SAMD3: variants seen among roughly 807,000 people sequenced by gnomAD.
SAMD3 encodes the protein sterile alpha motif domain containing 3.
In SAMD3, 63 loss-of-function variants were observed where a neutral mutation model predicts 58.5. The observed-to-expected ratio is 1.08, with a 90% CI of 0.88 to 1.33. The LOEUF (loss-of-function observed/expected upper bound fraction) is 1.33, where lower values mean the gene tolerates loss of function less well. SAMD3 is among the 40% of genes most tolerant of loss of function. SAMD3 has a pLI of 0.00. For missense variants in SAMD3, 604 were observed against 608.4 expected, an observed-to-expected ratio of 0.99 and a Z score of 0.08; for synonymous variants, 220 against 210.3, an observed-to-expected ratio of 1.05 and a Z score of -0.40.
At chr6:130,230,229 T>A (rs770977191) in intron 2 of SAMD3, among the ~76,000 whole-genome samples, 3 of 152,086 alleles carry the variant, frequency 2.0e-5, no homozygotes, top group Non-Finnish European at 4.4e-5. Flanking sequence ...AGGGTTTGCA[T>A]CACAATCCAA....
At chr6:130,337,119 T>C (rs1177926723) in intron 1 of SAMD3, among the ~76,000 whole-genome samples, 1 of 152,154 alleles carries the variant, frequency 6.6e-6, no homozygotes, top group Non-Finnish European at 1.5e-5. Context: ...TCATCTCAAA[T>C]TATAATCCCC....
At chr6:130,304,966 A>C in intron 2 of SAMD3, among the ~76,000 whole-genome samples, 1 of 114,012 alleles carries the variant, frequency 8.8e-6, no homozygotes. Flanking sequence ...ACAGAGTCTC[A>C]CTCTGCTGCC....
intron 1 of SAMD3, among the ~76,000 whole-genome samples, chr6:130,328,150 C>T (rs994600925): frequency 3.9e-5 from 6 of 152,114 alleles, no homozygotes; most frequent in African/African-American, 1.4e-4. Context: ...TGGAAGTGGA[C>T]CCATGGGATA....
At chr6:130,231,534 A>G (rs1167730625) in intron 2 of SAMD3, among the ~76,000 whole-genome samples, 1 of 152,222 alleles carries the variant, frequency 6.6e-6, no homozygotes, top group Non-Finnish European at 1.5e-5. Flanking sequence ...ATTGCACTCC[A>G]GTCTGGGCGA....
intron 5 of SAMD3, among the ~76,000 whole-genome samples, chr6:130,208,899 C>T (rs75997103): frequency 0.023 from 3,524 of 152,212 alleles, 130 homozygotes; most frequent in African/African-American, 0.079. Flanking sequence ...TAGGGGATGC[C>T]GTGACCTCCG....
At chr6:130,294,380 T>C (rs201087294) in intron 2 of SAMD3, among the ~76,000 whole-genome samples, 5 of 152,270 alleles carry the variant, frequency 3.3e-5, no homozygotes, top group African/African-American at 1.2e-4. Context: ...TAAGAAAATA[T>C]TTGCTTGAAC....
At chr6:130,325,107 T>G (rs189879256) in intron 1 of SAMD3, among the ~76,000 whole-genome samples, 202 of 152,322 alleles carry the variant, frequency 1.3e-3, no homozygotes, top group African/African-American at 4.7e-3. Flanking sequence ...GTTTTTCCTT[T>G]AGCAGAAATC....
At chr6:130,162,250 A>G (rs1790343559) in intron 8 of SAMD3, 1 of 701,966 alleles carries the variant, frequency 1.4e-6, no homozygotes. Context: ...GCATAGTTCT[A>G]GCCAACTTTT....
At chr6:130,345,660 T>G (rs1220958042) in intron 1 of SAMD3, among the ~76,000 whole-genome samples, 1 of 151,492 alleles carries the variant, frequency 6.6e-6, no homozygotes, top group Non-Finnish European at 1.5e-5. Context: ...GGCAGGCCCT[T>G]GGCACCTGTT....
chr6:130,207,149 C>T (rs1461428212), intron 5 of SAMD3, among the ~76,000 whole-genome samples: 3 of 123,668 alleles, frequency 2.4e-5, no homozygotes, highest in African/African-American at 9.8e-5. Flanking sequence ...GGTGATAGAC[C>T]CCATCTCATC....
At chr6:130,213,359 C>T (rs1286849431) in intron 4 of SAMD3, among the ~76,000 whole-genome samples, 1 of 151,708 alleles carries the variant, frequency 6.6e-6, no homozygotes, top group Non-Finnish European at 1.5e-5. Context: ...TCCATTCCAG[C>T]TCTATACCAT....
At chr6:130,197,502 A>G (rs1794248498) in intron 5 of SAMD3, among the ~76,000 whole-genome samples, 1 of 152,060 alleles carries the variant, frequency 6.6e-6, no homozygotes, top group African/African-American at 2.4e-5. Flanking sequence ...CAATTCTTAG[A>G]CCTTTTATAC....
At chr6:130,291,087 C>CTTTATTTA (rs34420626) in intron 2 of SAMD3, among the ~76,000 whole-genome samples, 15 of 151,430 alleles carry the variant, frequency 9.9e-5, no homozygotes, top group East Asian at 3.9e-4. Flanking sequence ...TGACAACTGA[C>CTTTATTTA]TTTATTTATT....
chr6:130,199,755 T>A (rs1187182990), intron 5 of SAMD3, among the ~76,000 whole-genome samples: 2 of 152,182 alleles, frequency 1.3e-5, no homozygotes, highest in Admixed American at 6.5e-5. Flanking sequence ...CCCTAAACTA[T>A]GAAGAAAATG....
At chr6:130,298,829 AT>A (rs76681519) in intron 2 of SAMD3, among the ~76,000 whole-genome samples, 25,620 of 152,128 alleles carry the variant, frequency 0.17, 2,419 homozygotes, top group East Asian at 0.36. Flanking sequence ...AGAGGTTACT[AT>A]TTTTATATCA....
intron 1 of SAMD3, among the ~76,000 whole-genome samples, chr6:130,340,170 G>A (rs746805983): frequency 3.9e-5 from 6 of 152,172 alleles, no homozygotes; most frequent in Non-Finnish European, 8.8e-5. Context: ...CAGTTAATTA[G>A]TGGTTTAAGC....
intron 2 of SAMD3, among the ~76,000 whole-genome samples, chr6:130,289,774 A>G (rs942830163): frequency 1.6e-4 from 25 of 152,352 alleles, no homozygotes; most frequent in African/African-American, 6.0e-4. Flanking sequence ...TGCTGGGATT[A>G]TAGGTGTGAA....
chr6:130,194,409 C>A (rs947868393), intron 5 of SAMD3, among the ~76,000 whole-genome samples: 8 of 152,276 alleles, frequency 5.3e-5, no homozygotes, highest in African/African-American at 1.9e-4. Flanking sequence ...AATAAAACTC[C>A]AAAAATTAAA....
In SAMD3 at chr6:130,172,821, C is replaced by T. The variant is rs184284963; in HGVS notation, c.822+3020G>A. ...GTGTTTTCCAACTTGGTTCCATTCT[C>T]CCTGTCACTTTCAGGTACACCTATC... On this transcript the variant is annotated intron_variant, in intron 8 of 11. Transcript: ENST00000439090. 2.8e-3 allele frequency among the ~76,000 whole-genome samples: 428 copies of T among 152,310 alleles called. 3 individuals are homozygous for T. The highest frequency in any genetic ancestry group is 6.8e-3 in the Middle Eastern group (2 of 294).
Sources: allele counts gnomAD v4.1 joint callset (sites outside exome capture counted in the v4.1 genomes callset), GRCh38; gene constraint gnomAD v4.1.1; transcripts MANE v1.5; gene names NCBI Gene and HGNC (gene_info 2026-07-23, HGNC 2026-07-21).